SLC27A4: variants seen among roughly 807,000 people sequenced by gnomAD.
SLC27A4 encodes solute carrier family 27 member 4, also known as long-chain fatty acid transport protein 4.
In SLC27A4, 33 loss-of-function variants were observed where a neutral mutation model predicts 64.4. The observed-to-expected ratio is 0.51, with a 90% CI of 0.39 to 0.68. The LOEUF is 0.68. Ranked by LOEUF, SLC27A4 falls within the 30% of genes least tolerant of loss-of-function variation. The pLI is 0.00. For synonymous variants in SLC27A4, 377 were observed against 370.0 expected, an observed-to-expected ratio of 1.02 and a Z score of -0.22; for missense variants, 824 against 883.5, an observed-to-expected ratio of 0.93 and a Z score of 0.85.
chr9:128,352,760 G>A lies in SLC27A4; in HGVS notation c.987+13G>A, dbSNP rs760892345. On this transcript the variant is annotated intron_variant, in intron 7 of 12. Coordinates refer to ENST00000300456, the MANE Select transcript of SLC27A4 (RefSeq NM_005094.4). ...GTACAACTGCACGGTGAGCGAGAGC[G>A]GGAAGGGTGAGCTGTCCCTTTCCCC... The A allele has an allele frequency of 1.2e-5, 19 of 1,590,632 alleles. No individual in the cohort carries two copies. The highest frequency in any genetic ancestry group is 2.2e-5 in the East Asian group (1 of 44,794).
intron 12 of SLC27A4, 39 bp downstream of exon 12, chr9:128,355,835 C>T (rs754654483): frequency 1.2e-6 from 2 of 1,609,900 alleles, no homozygotes; most frequent in Non-Finnish European, 8.5e-7. Context: ...GATCCCAGGT[C>T]CCTTCCCGTT....
intron 1 of SLC27A4, chr9:128,342,890 G>GA (rs1297002561): frequency 2.0e-5 from 12 of 585,382 alleles, no homozygotes; most frequent in South Asian, 1.8e-4. Context: ...TATGAGACGA[G>GA]AACCAGCCTC....
chr9:128,350,684 A>T (rs1198565896), intron 6 of SLC27A4, 109 bp downstream of exon 6: 1 of 874,902 alleles, frequency 1.1e-6, no homozygotes, highest in African/African-American at 1.7e-5. Context: ...GGCCAGGCGC[A>T]GTGACTCACA....
At chr9:128,341,603 C>T (rs1313190403) in intron 1 of SLC27A4, among the ~76,000 whole-genome samples, 1 of 152,204 alleles carries the variant, frequency 6.6e-6, no homozygotes. Flanking sequence ...CCTCTATAGA[C>T]CAACAGACGC....
chr9:128,351,785 G>A (rs1388785061), intron 6 of SLC27A4, among the ~76,000 whole-genome samples: 3 of 152,038 alleles, frequency 2.0e-5, no homozygotes, highest in Non-Finnish European at 2.9e-5. Context: ...CAGGCGTGGT[G>A]CACATGCCTA....
Position 128,350,299 on chromosome 9 carries a change from C to A in SLC27A4, c.716-13C>A. 6.2e-7 allele frequency: 1 copy of A among 1,612,222 alleles called. No individual in the cohort carries two copies. Among genetic ancestry groups the A allele is most frequent in the South Asian group, 1.1e-5 (1 of 90,990 alleles). On this transcript the variant is annotated splice_polypyrimidine_tract_variant and intron_variant, in intron 4 of 12. Coordinates refer to ENST00000300456, the MANE Select transcript of SLC27A4 (RefSeq NM_005094.4). ...AGCTGCCCCCGACAGCCACTCGCGT[C>A]TGTTTTCTTTAGATAAACTGTTCTA...
chr9:128,360,585 C>A lies in SLC27A4; in HGVS notation c.*94C>A. ...CTGGACAAGGCCAGACCAAAGCAAGCAGGGCCTGGCACCTCCATCCTGAGG... is the reference window on the plus strand; with the variant it reads ...CTGGACAAGGCCAGACCAAAGCAAGAAGGGCCTGGCACCTCCATCCTGAGG... On this transcript the variant is annotated 3_prime_UTR_variant, in exon 13 of 13. Transcript: ENST00000300456. 1.5e-6 allele frequency: 2 copies of A among 1,355,062 alleles called. No individual in the cohort carries two copies. The highest frequency in any genetic ancestry group is 2.1e-6 in the Non-Finnish European group (2 of 963,456). 83.9% of individuals were successfully genotyped at this position (1,355,062 alleles called of 1,614,324 possible). A position where few individuals can be genotyped will look rare whatever the true frequency, so the allele number is the denominator to read the frequency against.
chr9:128,351,340 T>C (rs1832733374), intron 6 of SLC27A4, among the ~76,000 whole-genome samples: 1 of 149,550 alleles, frequency 6.7e-6, no homozygotes, highest in African/African-American at 2.5e-5. Flanking sequence ...GGCATGAGAA[T>C]TGCTTGAACC....
At chr9:128,355,916 G>T in intron 12 of SLC27A4, 120 bp downstream of exon 12, 1 of 1,334,804 alleles carries the variant, frequency 7.5e-7, no homozygotes, top group South Asian at 1.2e-5. Context: ...TTGGTAAAGT[G>T]ACCTGCCTGT....
At chr9:128,354,494 G>T (rs1832787603) in intron 9 of SLC27A4, among the ~76,000 whole-genome samples, 1 of 152,142 alleles carries the variant, frequency 6.6e-6, no homozygotes, top group South Asian at 2.1e-4. Context: ...CGCTGGCTTT[G>T]TTAGGCTGTC....
At chr9:128,355,002 G>T in intron 9 of SLC27A4, 51 bp from the exon 10 acceptor site, 1 of 1,576,726 alleles carries the variant, frequency 6.3e-7, no homozygotes, top group East Asian at 2.3e-5. Flanking sequence ...GTGACAGGAC[G>T]GGTGGGAGAG....
At chr9:128,352,181 C>T (rs1370621613) in intron 6 of SLC27A4, among the ~76,000 whole-genome samples, 3 of 148,312 alleles carry the variant, frequency 2.0e-5, no homozygotes, top group Admixed American at 6.8e-5. Flanking sequence ...GGCGACAGAG[C>T]GAGACTCCGT....
At position 128,345,477 on chromosome 9, in the gene SLC27A4, C is replaced by G; in HGVS notation, c.484C>G (p.Arg162Gly). ...EAALINTNLR[R>G]DALLHCLTTS... ...AGCCCTCATCAACACCAACCTGCGGCGGGATGCTCTGCTCCACTGCCTCAC... is the reference window on the plus strand; with the variant it reads ...AGCCCTCATCAACACCAACCTGCGGGGGGATGCTCTGCTCCACTGCCTCAC... Residue 162 changes from arginine (R) to glycine (G), a missense_variant, in exon 3 of 13, where the codon CGG (arginine) becomes GGG (glycine). By Grantham distance (125) the Arg-to-Gly change is moderately radical. Transcript: ENST00000300456. The surrounding 1 kb of genome is among the most constrained non-coding windows in gnomAD (Gnocchi z 4.1). The G allele has an allele frequency of 6.2e-7, 1 of 1,612,938 alleles. No individual in the cohort carries two copies. Among genetic ancestry groups the G allele is most frequent in the Non-Finnish European group, 8.5e-7 (1 of 1,179,880 alleles).
Position 128,342,271 on chromosome 9 carries a change from G to A in SLC27A4, c.-6-856G>A, listed in dbSNP as rs571291896. 1.1e-5 allele frequency: 17 copies of A among 1,611,174 alleles called. 1 individual carries two copies. The Middle Eastern group carries it at 6.7e-4, about 63-fold the overall frequency. On this transcript the variant is annotated intron_variant, in intron 1 of 12. Coordinates refer to ENST00000300456, the MANE Select transcript of SLC27A4 (RefSeq NM_005094.4). ...CGATATGGCTGAGATTGAGAAATTC[G>A]ATAAGTCGAAACTGAAGAAGACAGA... is the stretch of plus-strand genomic sequence containing the variant.
At chr9:128,358,626 T>A (rs1190853453) in intron 12 of SLC27A4, among the ~76,000 whole-genome samples, 2 of 152,160 alleles carry the variant, frequency 1.3e-5, no homozygotes, top group African/African-American at 2.4e-5. Context: ...GTATTTTTTT[T>A]ATTAGACATG....
chr9:128,347,652 A>G (rs992039201), intron 3 of SLC27A4, among the ~76,000 whole-genome samples: 4 of 149,982 alleles, frequency 2.7e-5, no homozygotes, highest in African/African-American at 9.9e-5. Context: ...ACTTGAACCA[A>G]GTGAGCCGAG....
intron 4 of SLC27A4, among the ~76,000 whole-genome samples, chr9:128,349,096 C>T (rs76480821): frequency 0.034 from 5,217 of 152,206 alleles, 290 homozygotes; most frequent in African/African-American, 0.12. Context: ...CATCAAGTGC[C>T]TCTTCAGTGC....
chr9:128,348,855 G>A, intron 4 of SLC27A4, 152 bp downstream of exon 4: 1 of 782,536 alleles, frequency 1.3e-6, no homozygotes, highest in South Asian at 1.6e-5. Context: ...AATGGTGACA[G>A]TAAACCTGGG....
In SLC27A4 at chr9:128,360,346, T is replaced by G. The variant is rs1308467455; in HGVS notation, c.1787T>G (p.Phe596Cys). The change falls in exon 13 of 13, where the codon TTC (phenylalanine) becomes TGC (cysteine). Residue 596 changes from phenylalanine to cysteine, a missense_variant. Transcript: ENST00000300456. ...PELHKTGTYK[F>C]QKTELRKEGF... ...CCTGCTCTCCCAGGAACCTACAAGT[T>G]CCAGAAGACAGAGCTACGGAAGGAG... is the stretch of plus-strand genomic sequence containing the variant. The G allele has an allele frequency of 3.7e-6, 6 of 1,613,856 alleles. No homozygotes were observed. Among genetic ancestry groups the G allele is most frequent in the Non-Finnish European group, 5.1e-6 (6 of 1,179,984 alleles).
Sources: allele counts gnomAD v4.1 joint callset (sites outside exome capture counted in the v4.1 genomes callset), GRCh38; gene constraint gnomAD v4.1.1; non-coding constraint Gnocchi (gnomAD v3.1); transcripts MANE v1.5; gene names NCBI Gene and HGNC (gene_info 2026-07-23, HGNC 2026-07-21).